The following SNCAIP variants were observed in gnomAD, a reference collection of about 807,000 sequenced individuals.
SNCAIP encodes synuclein alpha interacting protein, also known as synphilin-1.
A neutral mutation model predicts 86.7 loss-of-function variants in SNCAIP; 43 were observed. That is an observed-to-expected ratio of 0.50 (90% CI 0.39 to 0.64). SNCAIP has a LOEUF of 0.64. Ranked by LOEUF, SNCAIP falls within the 30% of genes least tolerant of loss-of-function variation. The pLI, the probability that SNCAIP is intolerant of heterozygous loss-of-function variation, is 0.00. For synonymous variants in SNCAIP, 417 were observed against 427.2 expected (o/e 0.98, Z 0.29); for missense variants, 981 against 1,103.1 (o/e 0.89, Z 1.57).
intron 3 of SNCAIP, among the ~76,000 whole-genome samples, chr5:122,405,765 C>G (rs962722654): frequency 2.6e-5 from 4 of 152,088 alleles, no homozygotes; most frequent in Non-Finnish European, 5.9e-5. Flanking sequence ...TGACTCTTAC[C>G]AAGTTAAGTG....
At chr5:122,452,597 C>G (rs979152873) in intron 10 of SNCAIP, among the ~76,000 whole-genome samples, 1 of 152,106 alleles carries the variant, frequency 6.6e-6, no homozygotes, top group Non-Finnish European at 1.5e-5. Flanking sequence ...ATATCAAATT[C>G]CTCTGTAAAT....
In SNCAIP at chr5:122,451,023, T is replaced by G. The variant is rs180907131; in HGVS notation, c.2176T>G (p.Leu726Val). 1.8e-5 allele frequency: 29 copies of G among 1,614,028 alleles called. No homozygotes were observed. The highest frequency in any genetic ancestry group is 2.3e-5 in the Non-Finnish European group (27 of 1,180,022). The change falls in exon 10 of 11, where the codon TTG becomes GTG. Residue 726 changes from leucine (L) to valine (V), a missense_variant. By Grantham distance (32) the Leu-to-Val change is conservative. Transcript: ENST00000261368. The part of the protein sequence containing the change: ...SLHLMIKKHT[L>V]ASGGRRFPFS... Reference sequence around the variant, plus strand: ...GCACCTGATGATTAAGAAACACACCTTGGCATCAGGGGGACGCAGGTTTCC... The same window carrying G: ...GCACCTGATGATTAAGAAACACACCGTGGCATCAGGGGGACGCAGGTTTCC...
chr5:122,421,005 G>A (rs2152921669), intron 3 of SNCAIP, among the ~76,000 whole-genome samples: 2 of 152,306 alleles, frequency 1.3e-5, no homozygotes, highest in Middle Eastern at 6.8e-3. Flanking sequence ...AATGTGTTGT[G>A]CAAAGTGAGA....
chr5:122,376,943 C>A (rs1765445011), intron 1 of SNCAIP, among the ~76,000 whole-genome samples: 1 of 152,146 alleles, frequency 6.6e-6, no homozygotes, highest in African/African-American at 2.4e-5. Context: ...ATGCAGGATT[C>A]TGATCTTCTT....
intron 3 of SNCAIP, among the ~76,000 whole-genome samples, chr5:122,409,334 T>C (rs928510027): frequency 3.3e-5 from 5 of 152,258 alleles, no homozygotes; most frequent in African/African-American, 9.6e-5. Flanking sequence ...AATACACATT[T>C]GTCTCAATTC....
chr5:122,436,983 G>A (rs1337286412), intron 6 of SNCAIP: 4 of 152,178 alleles, frequency 2.6e-5, no homozygotes, highest in Admixed American at 1.3e-4. Flanking sequence ...TATGTGGGTG[G>A]ATGATGAAAT....
chr5:122,398,564 G>T lies in SNCAIP; in HGVS notation c.58-5229G>T, dbSNP rs557095439. Among the ~76,000 whole-genome samples, 16 of 152,246 alleles carry T rather than the reference G, an allele frequency of 1.1e-4. No homozygotes were observed. The South Asian group carries it at 2.1e-3, about 20-fold the overall frequency. ...ATTGTTTTTATTGTGTGCCTGTTGA[G>T]ATACCTGCCTGAATTTTGGAAAACT... On this transcript the variant is annotated intron_variant, in intron 2 of 10. Coordinates refer to ENST00000261368, the MANE Select transcript of SNCAIP (RefSeq NM_005460.4).
chr5:122,357,833 G>A (rs1379501488), intron 1 of SNCAIP, among the ~76,000 whole-genome samples: 1 of 152,104 alleles, frequency 6.6e-6, no homozygotes, highest in African/African-American at 2.4e-5. Context: ...GTAGCCACAT[G>A]TGGCTACTTG....
chr5:122,440,929 G>T lies in SNCAIP; in HGVS notation c.1422+175G>T. On this transcript the variant is annotated intron_variant, in intron 7 of 10. Transcript: ENST00000261368. ...CAGAAATCCACACAAATGTAGGTAGGCATAAATATCCATAAGAGTTTCTCT... is the reference window on the plus strand; with the variant it reads ...CAGAAATCCACACAAATGTAGGTAGTCATAAATATCCATAAGAGTTTCTCT... 3 of 656,522 alleles carry T rather than the reference G, an allele frequency of 4.6e-6. No homozygotes were observed. In the South Asian group the frequency reaches 5.4e-5, roughly 12 times the overall value. 40.7% of individuals were successfully genotyped at this position (656,522 alleles called of 1,614,324 possible). A position where few individuals can be genotyped will look rare whatever the true frequency, so the allele number is the denominator to read the frequency against.
intron 1 of SNCAIP, among the ~76,000 whole-genome samples, chr5:122,368,091 C>T (rs1486335800): frequency 6.6e-6 from 1 of 152,124 alleles, no homozygotes; most frequent in East Asian, 1.9e-4. Context: ...TTGCAATTAA[C>T]AGACTTTGTC....
At chr5:122,421,381 T>C (rs142055715) in intron 3 of SNCAIP, among the ~76,000 whole-genome samples, 2 of 152,292 alleles carry the variant, frequency 1.3e-5, no homozygotes, top group East Asian at 3.9e-4. Flanking sequence ...GTTAGCTTGG[T>C]TCCAGAACTT....
In SNCAIP at chr5:122,423,387, A is replaced by T; in HGVS notation, c.650A>T (p.His217Leu). Reference sequence around the variant, plus strand: ...GTTCTTTCTCCCGTGAAAAGCCCTCACTTGAGAAAAGCATCAGCTGTCATC... The same window carrying T: ...GTTCTTTCTCCCGTGAAAAGCCCTCTCTTGAGAAAAGCATCAGCTGTCATC... ...FCVLSPVKSP[H>L]LRKASAVIHD... Residue 217 changes from histidine (H) to leucine (L), a missense_variant, in exon 4 of 11, where the codon CAC (histidine) becomes CTC (leucine). Transcript: ENST00000261368. 1 of 1,613,562 alleles carries T rather than the reference A, an allele frequency of 6.2e-7. No homozygotes were observed. The highest frequency in any genetic ancestry group is 1.1e-5 in the South Asian group (1 of 91,060).
intron 1 of SNCAIP, among the ~76,000 whole-genome samples, chr5:122,345,143 G>A (rs1758342486): frequency 6.6e-6 from 1 of 152,078 alleles, no homozygotes; most frequent in Non-Finnish European, 1.5e-5. Flanking sequence ...CCTGGTCATG[G>A]GCAGATGCCA....
intron 1 of SNCAIP, among the ~76,000 whole-genome samples, chr5:122,368,522 C>T (rs978402364): frequency 3.3e-5 from 5 of 152,160 alleles, no homozygotes; most frequent in Non-Finnish European, 5.9e-5. Context: ...CTGACTCTGT[C>T]ATGTACCAGC....
chr5:122,461,219 G>C (rs1343407387), intron 10 of SNCAIP, among the ~76,000 whole-genome samples: 2 of 152,116 alleles, frequency 1.3e-5, no homozygotes, highest in African/African-American at 4.8e-5. Flanking sequence ...CTGTTGAGAA[G>C]CCCTATTCTT....
intron 8 of SNCAIP, among the ~76,000 whole-genome samples, chr5:122,448,812 C>G (rs971246858): frequency 6.7e-6 from 1 of 148,958 alleles, no homozygotes; most frequent in African/African-American, 2.5e-5. Context: ...GTCAGGAGAT[C>G]GAGACCATCC....
At chr5:122,377,518 G>GAA (rs1269855503) in intron 1 of SNCAIP, among the ~76,000 whole-genome samples, 8 of 129,134 alleles carry the variant, frequency 6.2e-5, no homozygotes, top group Admixed American at 6.2e-4. Context: ...GAGAGAGAGA[G>GAA]AGAAAGAAAG....
At chr5:122,375,733 A>G (rs1236529497) in intron 1 of SNCAIP, among the ~76,000 whole-genome samples, 1 of 151,720 alleles carries the variant, frequency 6.6e-6, no homozygotes, top group Non-Finnish European at 1.5e-5. Flanking sequence ...GTATAGCACA[A>G]CAAATTGAAA....
intron 3 of SNCAIP, among the ~76,000 whole-genome samples, chr5:122,407,577 C>T (rs1397917898): frequency 1.3e-5 from 2 of 152,256 alleles, no homozygotes; most frequent in Admixed American, 1.3e-4. Context: ...CTTTCAAAAT[C>T]ATCTAGTCTG....
Sources: gnomAD v4.1 joint callset for allele counts (sites outside exome capture counted in the v4.1 genomes callset) on GRCh38, gnomAD v4.1.1 for gene constraint, MANE v1.5 for transcripts, NCBI Gene and HGNC (gene_info 2026-07-23, HGNC 2026-07-21) for gene names.